Variants in CAMK1D observed in about 807,000 individuals in gnomAD.
CAMK1D encodes calcium/calmodulin-dependent protein kinase type 1D.
Under a neutral mutation model 47.7 loss-of-function variants are expected in CAMK1D, and 9 were observed. The ratio of observed to expected loss-of-function variants is 0.19; its 90% CI spans 0.11 to 0.33. The LOEUF is 0.33. Among genes scored for constraint, CAMK1D ranks in the 10% least tolerant of loss-of-function variants. CAMK1D has a pLI of 1.00. For missense variants in CAMK1D, 291 were observed against 488.7 expected (o/e 0.60, Z 3.81); for synonymous variants, 184 against 184.9 (o/e 0.99, Z 0.04).
chr10:12,679,102 A>G (rs1840907036), intron 3 of CAMK1D, among the ~76,000 whole-genome samples: 1 of 152,198 alleles, frequency 6.6e-6, no homozygotes, highest in South Asian at 2.1e-4. Flanking sequence ...ACTTTTCTAA[A>G]TACCATCTTA....
intron 6 of CAMK1D, among the ~76,000 whole-genome samples, chr10:12,803,195 A>G (rs993889422): frequency 2.0e-5 from 3 of 152,268 alleles, no homozygotes; most frequent in African/African-American, 4.8e-5. Flanking sequence ...AGCTCCGTAC[A>G]TGGTAGATGT....
Position 12,385,739 on chromosome 10 carries a change from CTTTTTTTTTTTTTT to C in CAMK1D, c.92+35840_92+35853del, listed in dbSNP as rs71384318. Reference sequence around the variant, plus strand: ...TTATACTGAGAACCATTGAATTGTACTTTTTTTTTTTTTTTTTTTTTTTTAAGATGGAGATTCAC... The same window carrying C: ...TTATACTGAGAACCATTGAATTGTACTTTTTTTTTTAAGATGGAGATTCAC... On this transcript the variant is annotated intron_variant, in intron 1 of 10. Transcript: ENST00000619168. 2.4e-3 allele frequency among the ~76,000 whole-genome samples: 240 copies of C among 100,552 alleles called. 7 individuals are homozygous for C. Among genetic ancestry groups the C allele is most frequent in the African/African-American group, 8.8e-3 (228 of 25,948 alleles). 66.0% of individuals were successfully genotyped at this position (100,552 alleles called of 152,430 possible).
At chr10:12,694,668 A>T (rs1252820985) in intron 3 of CAMK1D, among the ~76,000 whole-genome samples, 1 of 146,546 alleles carries the variant, frequency 6.8e-6, no homozygotes, top group East Asian at 1.9e-4. Flanking sequence ...AAGTTGGAAG[A>T]TGTAAGATTG....
chr10:12,710,070 G>A (rs148437420), intron 3 of CAMK1D, among the ~76,000 whole-genome samples: 3 of 152,310 alleles, frequency 2.0e-5, no homozygotes, highest in Non-Finnish European at 2.9e-5. Flanking sequence ...TGTGATCATA[G>A]TTGTATTTAC....
At chr10:12,541,313 C>T (rs2492953) in intron 1 of CAMK1D, among the ~76,000 whole-genome samples, 2 of 152,064 alleles carry the variant, frequency 1.3e-5, no homozygotes, top group African/African-American at 2.4e-5. Flanking sequence ...GAGTTGCGTA[C>T]ACATTGAACA....
chr10:12,787,427 C>T (rs897911888), intron 5 of CAMK1D, among the ~76,000 whole-genome samples: 2 of 152,142 alleles, frequency 1.3e-5, no homozygotes, highest in African/African-American at 2.4e-5. Flanking sequence ...TTTAAAGAGT[C>T]CTCCCTCCCA....
intron 5 of CAMK1D, among the ~76,000 whole-genome samples, chr10:12,782,687 C>T (rs572372160): frequency 3.9e-5 from 6 of 152,304 alleles, no homozygotes; most frequent in African/African-American, 1.2e-4. Flanking sequence ...CCTCAAGGAC[C>T]GGAAGACCAG....
intron 3 of CAMK1D, among the ~76,000 whole-genome samples, chr10:12,745,084 G>A (rs986305594): frequency 7.9e-5 from 12 of 152,244 alleles, no homozygotes; most frequent in Non-Finnish European, 1.3e-4. Flanking sequence ...AGGCTGGAGC[G>A]CAATGGCGCA....
intron 1 of CAMK1D, among the ~76,000 whole-genome samples, chr10:12,471,482 T>C (rs989148150): frequency 6.6e-6 from 1 of 152,080 alleles, no homozygotes; most frequent in Non-Finnish European, 1.5e-5. Context: ...GTGTCCGAGG[T>C]CCTTTGACTA....
At chr10:12,764,332 G>A (rs1407673522) in intron 4 of CAMK1D, among the ~76,000 whole-genome samples, 4 of 123,230 alleles carry the variant, frequency 3.2e-5, no homozygotes, top group African/African-American at 1.2e-4. Context: ...AGTGAGCCGA[G>A]ATCGCACCAT....
chr10:12,573,866 G>T (rs1210174208), intron 2 of CAMK1D, among the ~76,000 whole-genome samples: 2 of 111,230 alleles, frequency 1.8e-5, no homozygotes, highest in East Asian at 5.1e-4. Context: ...TGTGGAGATG[G>T]GGTCTCACTC....
chr10:12,536,583 C>G (rs957977517), intron 1 of CAMK1D, among the ~76,000 whole-genome samples: 1 of 152,180 alleles, frequency 6.6e-6, no homozygotes, highest in Non-Finnish European at 1.5e-5. Flanking sequence ...TGCACCTGGC[C>G]TTCAAGCCAT....
intron 3 of CAMK1D, among the ~76,000 whole-genome samples, chr10:12,689,398 C>T (rs1186728735): frequency 6.6e-6 from 1 of 152,220 alleles, no homozygotes. Context: ...CTCTCACCCT[C>T]ATCCCACATT....
chr10:12,672,277 AT>A lies in CAMK1D; in HGVS notation c.299+5475del, dbSNP rs944767988. 5.3e-5 allele frequency among the ~76,000 whole-genome samples: 8 copies of A among 151,492 alleles called. 1 individual carries two copies. Among genetic ancestry groups the A allele is most frequent in the South Asian group, 2.1e-4 (1 of 4,776 alleles). ...GAAAGTTTTAGTGGGGATGATGTTC[AT>A]TTTTTTTAATGGCTTGTGCTTTTTG... On this transcript the variant is annotated intron_variant, in intron 3 of 10. Transcript: ENST00000619168.
At chr10:12,554,131 C>A (rs570015625) in intron 2 of CAMK1D, among the ~76,000 whole-genome samples, 36 of 151,632 alleles carry the variant, frequency 2.4e-4, no homozygotes, top group African/African-American at 8.7e-4. Flanking sequence ...TCCCTCCCCA[C>A]TCCCCTCCCC....
At chr10:12,585,250 C>G (rs1348890377) in intron 2 of CAMK1D, among the ~76,000 whole-genome samples, 4 of 152,216 alleles carry the variant, frequency 2.6e-5, no homozygotes, top group African/African-American at 4.8e-5. Flanking sequence ...ATGCAGATTG[C>G]TGGGCCCCGT....
rs1235069085 is a variant in CAMK1D, at chr10:12,777,740, G to A, written c.565+7941G>A. ...AGGAATGGCAGGAAGAAGGTGAAACGGGTCTTGGTAAGTACACCAGCATGA... is the reference window on the plus strand; with the variant it reads ...AGGAATGGCAGGAAGAAGGTGAAACAGGTCTTGGTAAGTACACCAGCATGA... On this transcript the variant is annotated intron_variant, in intron 5 of 10. Coordinates refer to ENST00000619168, the MANE Select transcript of CAMK1D (RefSeq NM_153498.4). 2.0e-5 allele frequency among the ~76,000 whole-genome samples: 3 copies of A among 152,166 alleles called. No individual in the cohort carries two copies. In the South Asian group the frequency reaches 6.2e-4, roughly 31 times the overall value.
rs766143191 is a variant in CAMK1D, at chr10:12,597,510, A to G, written c.224+44154A>G. Among the ~76,000 whole-genome samples, 6 of 152,192 alleles carry G rather than the reference A, an allele frequency of 3.9e-5. No individual in the cohort carries two copies. The South Asian group carries it at 8.3e-4, about 21-fold the overall frequency. ...TTCTTCCTAGCAGGTCCCTCATGGT[A>G]GGGGCTCTGGGGCCCCTACCAGGCA... is the stretch of plus-strand genomic sequence containing the variant. On this transcript the variant is annotated intron_variant, in intron 2 of 10. Coordinates refer to ENST00000619168, the MANE Select transcript of CAMK1D (RefSeq NM_153498.4).
Position 12,675,525 on chromosome 10 carries a change from C to A in CAMK1D, c.299+8715C>A, listed in dbSNP as rs1840777154. ...TTTCTCTTATACCCAACAATCCCAT[C>A]CCTTGGCAAATCCTGTGGCCACCAG... On this transcript the variant is annotated intron_variant, in intron 3 of 10. Coordinates refer to ENST00000619168, the MANE Select transcript of CAMK1D (RefSeq NM_153498.4). Among the ~76,000 whole-genome samples, 3 of 152,206 alleles carry A rather than the reference C, an allele frequency of 2.0e-5. 1 individual carries two copies. In the South Asian group the frequency reaches 6.2e-4, roughly 32 times the overall value.
Sources: allele counts gnomAD v4.1 joint callset (sites outside exome capture counted in the v4.1 genomes callset), GRCh38; gene constraint gnomAD v4.1.1; transcripts MANE v1.5; gene names NCBI Gene and HGNC (gene_info 2026-07-23, HGNC 2026-07-21).